CAMK2B: variants seen among roughly 807,000 people sequenced by gnomAD.
CAMK2B encodes calcium/calmodulin dependent protein kinase II beta.
CAMK2B carries 27 observed loss-of-function variants against 93.7 expected under a neutral mutation model. That is an observed-to-expected ratio of 0.29 (90% CI 0.21 to 0.40). CAMK2B has a LOEUF of 0.40. Ranked by LOEUF, CAMK2B falls within the 10% of genes least tolerant of loss-of-function variation. CAMK2B has a pLI of 1.00. For synonymous variants in CAMK2B, 374 were observed against 358.8 expected (o/e 1.04, Z -0.48); for missense variants, 568 against 895.8 (o/e 0.63, Z 4.67).
intron 1 of CAMK2B, among the ~76,000 whole-genome samples, chr7:44,315,550 T>G (rs1413877876): frequency 6.6e-6 from 1 of 152,230 alleles, no homozygotes; most frequent in East Asian, 1.9e-4. Flanking sequence ...TTGTTTTAGC[T>G]ATTTTGGGTC....
intron 2 of CAMK2B, chr7:44,268,967 C>T (rs186162195): frequency 6.6e-6 from 1 of 152,320 alleles, no homozygotes; most frequent in Non-Finnish European, 1.5e-5. Flanking sequence ...GGGGGAGAGA[C>T]TGCAAACCTC....
At chr7:44,266,427 C>T (rs2096921835) in intron 2 of CAMK2B, among the ~76,000 whole-genome samples, 2 of 152,214 alleles carry the variant, frequency 1.3e-5, no homozygotes, top group South Asian at 2.1e-4. Flanking sequence ...TAAATTGAAC[C>T]CAATCCAGTG....
intron 1 of CAMK2B, among the ~76,000 whole-genome samples, chr7:44,301,499 G>A (rs576001551): frequency 6.6e-5 from 10 of 152,232 alleles, no homozygotes; most frequent in Admixed American, 2.6e-4. Flanking sequence ...AGAAGAGGCC[G>A]GGCACAGTGG....
At chr7:44,298,098 G>T (rs189235781) in intron 1 of CAMK2B, among the ~76,000 whole-genome samples, 2 of 152,034 alleles carry the variant, frequency 1.3e-5, no homozygotes, top group African/African-American at 4.8e-5. Context: ...CATTCCAGCC[G>T]GGGTGACAGA....
At position 44,325,327 on chromosome 7, in the gene CAMK2B, G is replaced by C. The variant is rs1360987103; in HGVS notation, c.65+30C>G. 1.8e-5 allele frequency: 22 copies of C among 1,205,552 alleles called. No individual in the cohort carries two copies. The East Asian group carries it at 6.3e-4, about 35-fold the overall frequency. The allele number at this position is 1,205,552 out of a possible 1,614,324, so 74.7% of individuals were successfully genotyped here. A position where few individuals can be genotyped will look rare whatever the true frequency, so the allele number is the denominator to read the frequency against. On this transcript the variant is annotated intron_variant, in intron 1 of 23. Transcript: ENST00000395749. ...GAGGTCCCGGCCCTCTGGGGTCCCC[G>C]GCCCAGCCCGCGCGCGCCGCTGCTC...
chr7:44,224,504 G>A lies in CAMK2B; in HGVS notation c.1597+2012C>T, dbSNP rs1415676504. 6.6e-6 allele frequency among the ~76,000 whole-genome samples: 1 copy of A among 152,238 alleles called. No individual in the cohort carries two copies. The highest frequency in any genetic ancestry group is 1.5e-5 in the Non-Finnish European group (1 of 68,048). On this transcript the variant is annotated intron_variant, in intron 20 of 23. Coordinates refer to ENST00000395749, the MANE Select transcript of CAMK2B (RefSeq NM_001220.5). The surrounding 1 kb of genome is among the most constrained non-coding windows in gnomAD (Gnocchi z 4.4). ...GGGTCTGCACGAGCCAAGAGCCTCT[G>A]CAAGTCAGGCCTTCCAGGTGCCCTG...
rs895436425 is a variant in CAMK2B, at chr7:44,218,691, C to T, written c.*834G>A. Reference sequence around the variant, plus strand: ...GCCAGCAGTGCTGTCTCTTGCTCGGCGAGAGGCCCAAAACTAAGCTGTGCC... The same window carrying T: ...GCCAGCAGTGCTGTCTCTTGCTCGGTGAGAGGCCCAAAACTAAGCTGTGCC... On this transcript the variant is annotated 3_prime_UTR_variant, in exon 24 of 24. Coordinates refer to ENST00000395749, the MANE Select transcript of CAMK2B (RefSeq NM_001220.5). 2.6e-5 allele frequency: 4 copies of T among 152,302 alleles called. No homozygotes were observed. Among genetic ancestry groups the T allele is most frequent in the South Asian group, 2.1e-4 (1 of 4,832 alleles). The allele number at this position is 152,302 out of a possible 1,614,324, so 9.4% of individuals were successfully genotyped here.
At chr7:44,220,026 C>A in intron 23 of CAMK2B, 34 bp downstream of exon 23, 1 of 1,502,504 alleles carries the variant, frequency 6.7e-7, no homozygotes, top group East Asian at 2.5e-5. Context: ...CGCCACCCCT[C>A]TGCCCCAGCT....
At chr7:44,267,393 T>C (rs1221154577) in intron 2 of CAMK2B, among the ~76,000 whole-genome samples, 1 of 152,000 alleles carries the variant, frequency 6.6e-6, no homozygotes, top group African/African-American at 2.4e-5. Context: ...AGAGGATGAG[T>C]AGGAGTTTGC....
intron 6 of CAMK2B, among the ~76,000 whole-genome samples, chr7:44,245,242 T>C (rs2096719158): frequency 6.6e-6 from 1 of 152,234 alleles, no homozygotes; most frequent in Admixed American, 6.5e-5. Flanking sequence ...CACCCAGTGA[T>C]GCCCCCACCC....
At chr7:44,220,032 C>T in intron 23 of CAMK2B, 28 bp downstream of exon 23, 1 of 1,513,954 alleles carries the variant, frequency 6.6e-7, no homozygotes, top group Non-Finnish European at 8.9e-7. Context: ...CCCTCTGCCC[C>T]AGCTGTCACT....
In CAMK2B at chr7:44,225,746, G is replaced by A. The variant is rs1465560233; in HGVS notation, c.1597+770C>T. 7.8e-7 allele frequency: 1 copy of A among 1,289,358 alleles called. No homozygotes were observed. Among genetic ancestry groups the A allele is most frequent in the African/African-American group, 1.5e-5 (1 of 65,946 alleles). The allele number at this position is 1,289,358 out of a possible 1,614,324, so 79.9% of individuals were successfully genotyped here. A position where few individuals can be genotyped will look rare whatever the true frequency, so the allele number is the denominator to read the frequency against. On this transcript the variant is annotated intron_variant, in intron 20 of 23. Transcript: ENST00000395749. The surrounding 1 kb of genome is among the most constrained non-coding windows in gnomAD (Gnocchi z 5.0). Reference sequence around the variant, plus strand: ...GGACGGTGGCAAGCAGACCCCACCTGTCCCTCAAGTACTTACCTAGCCACT... The same window carrying A: ...GGACGGTGGCAAGCAGACCCCACCTATCCCTCAAGTACTTACCTAGCCACT...
intron 4 of CAMK2B, among the ~76,000 whole-genome samples, chr7:44,257,392 C>T (rs1256796749): frequency 1.3e-5 from 2 of 152,200 alleles, no homozygotes; most frequent in Admixed American, 6.5e-5. Flanking sequence ...CTTGGCAAGG[C>T]GGGAGACATG....
At chr7:44,302,909 A>T (rs1321906190) in intron 1 of CAMK2B, among the ~76,000 whole-genome samples, 1 of 152,170 alleles carries the variant, frequency 6.6e-6, no homozygotes, top group East Asian at 1.9e-4. Context: ...CCTAGCTAAC[A>T]TAATAAGGCA....
At chr7:44,243,608 A>C in intron 6 of CAMK2B, 81 bp from the exon 7 acceptor site, 1 of 1,074,316 alleles carries the variant, frequency 9.3e-7, no homozygotes, top group South Asian at 1.3e-5. Flanking sequence ...GGGTTACAAA[A>C]CAGAGAAAAC....
At chr7:44,321,374 A>C (rs1796043801) in intron 1 of CAMK2B, among the ~76,000 whole-genome samples, 1 of 152,160 alleles carries the variant, frequency 6.6e-6, no homozygotes. Flanking sequence ...GGATGGAGTC[A>C]AGGACATATC....
At chr7:44,254,197 C>G (rs750443344) in intron 5 of CAMK2B, among the ~76,000 whole-genome samples, 89 of 152,312 alleles carry the variant, frequency 5.8e-4, no homozygotes, top group Non-Finnish European at 1.1e-3. Context: ...CCCTCTTCAT[C>G]CCCCCGGGGA....
chr7:44,279,661 C>A (rs936932068), intron 2 of CAMK2B, among the ~76,000 whole-genome samples: 11 of 152,240 alleles, frequency 7.2e-5, no homozygotes, highest in African/African-American at 2.7e-4. Context: ...CACAGGGCAA[C>A]ACAAAGCAGC....
chr7:44,264,777 A>G (rs2096909086), intron 2 of CAMK2B, among the ~76,000 whole-genome samples: 1 of 152,180 alleles, frequency 6.6e-6, no homozygotes, highest in Non-Finnish European at 1.5e-5. Context: ...GGGATTTGTG[A>G]TGGCGGAACT....
Sources: allele counts gnomAD v4.1 joint callset (sites outside exome capture counted in the v4.1 genomes callset), GRCh38; gene constraint gnomAD v4.1.1; non-coding constraint Gnocchi (gnomAD v3.1); transcripts MANE v1.5; gene names NCBI Gene and HGNC (gene_info 2026-07-23, HGNC 2026-07-21).